Variants in CHCHD6 observed in about 807,000 individuals in gnomAD.
The protein encoded by CHCHD6 is coiled-coil-helix-coiled-coil-helix domain containing 6.
Under a neutral mutation model 32.3 loss-of-function variants are expected in CHCHD6, and 28 were observed. That is an observed-to-expected ratio of 0.87 (90% CI 0.64 to 1.19). CHCHD6 has a LOEUF of 1.19. Ranked by LOEUF, CHCHD6 falls within the 50% of genes most tolerant of loss-of-function variation. The pLI is 0.00. For synonymous variants in CHCHD6, 122 were observed against 117.5 expected, an observed-to-expected ratio of 1.04 and a Z score of -0.25; for missense variants, 333 against 307.0, an observed-to-expected ratio of 1.08 and a Z score of -0.63.
chr3:126,817,143 G>A (rs918077009), intron 4 of CHCHD6, among the ~76,000 whole-genome samples: 3 of 152,122 alleles, frequency 2.0e-5, no homozygotes, highest in African/African-American at 4.8e-5. Context: ...AACAATCGCC[G>A]ACTGCTCTCT....
At chr3:126,817,516 C>T (rs1166121768) in intron 4 of CHCHD6, among the ~76,000 whole-genome samples, 1 of 152,228 alleles carries the variant, frequency 6.6e-6, no homozygotes, top group Non-Finnish European at 1.5e-5. Flanking sequence ...CAAGTGCCTG[C>T]TCTGATGTGG....
At chr3:126,764,619 T>A (rs1257663568) in intron 4 of CHCHD6, among the ~76,000 whole-genome samples, 1 of 152,148 alleles carries the variant, frequency 6.6e-6, no homozygotes, top group African/African-American at 2.4e-5. Flanking sequence ...TAAGTGCAGC[T>A]CCGCCCAGGG....
intron 5 of CHCHD6, among the ~76,000 whole-genome samples, chr3:126,898,791 G>A (rs1365085281): frequency 1.3e-5 from 2 of 152,100 alleles, no homozygotes; most frequent in Admixed American, 1.3e-4. Flanking sequence ...TGCCCTCCTC[G>A]GCCTCCCAAA....
At chr3:126,840,226 G>T (rs1450481305) in intron 4 of CHCHD6, among the ~76,000 whole-genome samples, 1 of 152,104 alleles carries the variant, frequency 6.6e-6, no homozygotes, top group Non-Finnish European at 1.5e-5. Flanking sequence ...ACATTTAGGG[G>T]CTAAGTGTAG....
chr3:126,840,093 G>A (rs1156703442), intron 4 of CHCHD6, among the ~76,000 whole-genome samples: 1 of 152,150 alleles, frequency 6.6e-6, no homozygotes, highest in African/African-American at 2.4e-5. Context: ...CTTTCACTTA[G>A]CGTAACGTTT....
At chr3:126,877,106 C>T (rs2107570861) in intron 5 of CHCHD6, among the ~76,000 whole-genome samples, 1 of 152,240 alleles carries the variant, frequency 6.6e-6, no homozygotes, top group East Asian at 1.9e-4. Flanking sequence ...GTGTTTGAAT[C>T]CACTTATTTT....
intron 4 of CHCHD6, among the ~76,000 whole-genome samples, chr3:126,739,865 T>C (rs573870022): frequency 2.6e-5 from 4 of 152,242 alleles, no homozygotes; most frequent in Non-Finnish European, 5.9e-5. Flanking sequence ...TTGACTATTT[T>C]CTCTCTTGAT....
intron 3 of CHCHD6, among the ~76,000 whole-genome samples, chr3:126,731,352 A>C (rs1935795324): frequency 6.6e-6 from 1 of 152,128 alleles, no homozygotes; most frequent in Non-Finnish European, 1.5e-5. Context: ...TCGCCGGAGA[A>C]GTTTTAGCAA....
chr3:126,736,127 A>T (rs139029462), intron 4 of CHCHD6, among the ~76,000 whole-genome samples: 158 of 152,326 alleles, frequency 1.0e-3, no homozygotes, highest in African/African-American at 3.7e-3. Context: ...GTATTTTCAA[A>T]ACTATATTCT....
At chr3:126,920,589 A>C (rs2078232781) in intron 6 of CHCHD6, among the ~76,000 whole-genome samples, 1 of 152,206 alleles carries the variant, frequency 6.6e-6, no homozygotes, top group Admixed American at 6.5e-5. Flanking sequence ...TGAGTAGCTC[A>C]AGAATTTGAC....
chr3:126,904,155 A>G (rs1272399815), intron 5 of CHCHD6, among the ~76,000 whole-genome samples: 1 of 152,134 alleles, frequency 6.6e-6, no homozygotes, highest in African/African-American at 2.4e-5. Flanking sequence ...CCCTTCCCTC[A>G]TACTGTCTCC....
chr3:126,846,362 G>C (rs1941296623), intron 4 of CHCHD6, among the ~76,000 whole-genome samples: 4 of 152,164 alleles, frequency 2.6e-5, no homozygotes, highest in Admixed American at 2.6e-4. Context: ...AGGGTAACCT[G>C]AAAGCTTAAA....
intron 4 of CHCHD6, among the ~76,000 whole-genome samples, chr3:126,813,339 A>G (rs1939742208): frequency 2.0e-5 from 3 of 152,250 alleles, no homozygotes; most frequent in Non-Finnish European, 4.4e-5. Flanking sequence ...ATTAATGTCA[A>G]TAAATTATAT....
At chr3:126,956,794 A>C (rs1400546936) in intron 6 of CHCHD6, among the ~76,000 whole-genome samples, 2 of 152,258 alleles carry the variant, frequency 1.3e-5, no homozygotes, top group Non-Finnish European at 2.9e-5. Flanking sequence ...AAAAATAGTA[A>C]ATTACCCCCA....
intron 4 of CHCHD6, among the ~76,000 whole-genome samples, chr3:126,786,082 GT>G (rs966248710): frequency 7.2e-5 from 11 of 152,226 alleles, no homozygotes; most frequent in Non-Finnish European, 1.6e-4. Flanking sequence ...GCGGTGTTTG[GT>G]TTTTTGTTCT....
chr3:126,874,209 TAGGTGTAACACC>T (rs1452467843), intron 5 of CHCHD6, among the ~76,000 whole-genome samples: 3 of 152,234 alleles, frequency 2.0e-5, no homozygotes, highest in Admixed American at 2.0e-4. Context: ...CCACTTACTC[TAGGTGTAACACC>T]AGGTGTCTAA....
chr3:126,744,220 G>C (rs145254308), intron 4 of CHCHD6, among the ~76,000 whole-genome samples: 1 of 152,190 alleles, frequency 6.6e-6, no homozygotes, highest in Admixed American at 6.5e-5. Context: ...GGAGGGTCTT[G>C]GTTATTTTAA....
chr3:126,784,827 G>C (rs1938121444), intron 4 of CHCHD6, among the ~76,000 whole-genome samples: 1 of 152,050 alleles, frequency 6.6e-6, no homozygotes, highest in Non-Finnish European at 1.5e-5. Context: ...GATTTTGAGA[G>C]GTTTTTTTGG....
intron 5 of CHCHD6, among the ~76,000 whole-genome samples, chr3:126,859,207 C>G (rs1576505126): frequency 6.6e-6 from 1 of 152,046 alleles, no homozygotes; most frequent in African/African-American, 2.4e-5. Flanking sequence ...GAGGAGGGAG[C>G]CTTTGCCCAG....
Sources: allele counts gnomAD v4.1 joint callset (sites outside exome capture counted in the v4.1 genomes callset), GRCh38; gene constraint gnomAD v4.1.1; transcripts MANE v1.5; gene names NCBI Gene and HGNC (gene_info 2026-07-23, HGNC 2026-07-21).